Variants in SND1 observed in about 807,000 individuals in gnomAD.
SND1 encodes staphylococcal nuclease domain-containing protein 1.
Under a neutral mutation model 121.7 loss-of-function variants are expected in SND1, and 38 were observed. That is an observed-to-expected ratio of 0.31 (90% confidence interval 0.24 to 0.41). The LOEUF (loss-of-function observed/expected upper bound fraction) is 0.41. Among genes scored for constraint, SND1 ranks in the 10% least tolerant of loss-of-function variants. SND1 has a pLI of 1.00. For synonymous variants in SND1, 401 were observed against 447.4 expected (o/e 0.90, Z 1.31); for missense variants, 868 against 1,184.6 (o/e 0.73, Z 3.92).
At chr7:127,662,816 T>C (rs1795338057) in intron 1 of SND1, among the ~76,000 whole-genome samples, 1 of 152,070 alleles carries the variant, frequency 6.6e-6, no homozygotes, top group Non-Finnish European at 1.5e-5. Flanking sequence ...AACCTCCCAA[T>C]ATCTGGAGAT....
chr7:127,967,854 T>C (rs1381202452), intron 15 of SND1, among the ~76,000 whole-genome samples: 1 of 152,210 alleles, frequency 6.6e-6, no homozygotes, highest in Non-Finnish European at 1.5e-5. Flanking sequence ...GCTCGGACCA[T>C]GATTAAATAT....
At chr7:127,981,117 A>T (rs533393455) in intron 15 of SND1, among the ~76,000 whole-genome samples, 2 of 152,328 alleles carry the variant, frequency 1.3e-5, no homozygotes, top group East Asian at 1.9e-4. Context: ...GCACAGTGCC[A>T]CTGTGTTACA....
chr7:127,738,169 G>A (rs1033842144), intron 10 of SND1, among the ~76,000 whole-genome samples: 6 of 151,822 alleles, frequency 4.0e-5, no homozygotes, highest in Non-Finnish European at 8.8e-5. Context: ...CTCACTGTGG[G>A]CAGCTTCTCC....
At chr7:127,825,040 C>T (rs1273406885) in intron 11 of SND1, among the ~76,000 whole-genome samples, 1 of 152,174 alleles carries the variant, frequency 6.6e-6, no homozygotes, top group Non-Finnish European at 1.5e-5. Context: ...GGAATCTAAT[C>T]TCCCTTATTG....
chr7:127,943,912 T>C (rs1400914437), intron 15 of SND1, among the ~76,000 whole-genome samples: 3 of 152,226 alleles, frequency 2.0e-5, no homozygotes, highest in African/African-American at 4.8e-5. Context: ...GGAGGGCTGA[T>C]TGCTGCCAGT....
intron 15 of SND1, among the ~76,000 whole-genome samples, chr7:127,973,445 T>C (rs957353574): frequency 6.6e-6 from 1 of 151,952 alleles, no homozygotes; most frequent in African/African-American, 2.4e-5. Flanking sequence ...GAAAAGAGGA[T>C]CTGACAGCAG....
At position 127,856,319 on chromosome 7, in the gene SND1, T is replaced by C. The variant is rs546584373; in HGVS notation, c.1343+11895T>C. Reference sequence around the variant, plus strand: ...TACTTTACCTGTTTATCTGAGGTGATGAAAAGGCACAGGGCTACCAAATTA... The same window carrying C: ...TACTTTACCTGTTTATCTGAGGTGACGAAAAGGCACAGGGCTACCAAATTA... On this transcript the variant is annotated intron_variant, in intron 12 of 23. Transcript: ENST00000354725. Among the ~76,000 whole-genome samples, 17 of 152,336 alleles carry C rather than the reference T, an allele frequency of 1.1e-4. No homozygotes were observed. The East Asian group carries it at 3.3e-3, about 29-fold the overall frequency.
intron 15 of SND1, among the ~76,000 whole-genome samples, chr7:127,956,575 G>A (rs941766705): frequency 3.1e-4 from 47 of 152,310 alleles, no homozygotes; most frequent in Admixed American, 2.9e-3. Context: ...AGGCTCGATG[G>A]ATGGCCTAGA....
rs1793067713 is a variant in SND1, at chr7:128,052,708, T to A, written c.1780-21794T>A. On this transcript the variant is annotated intron_variant, in intron 16 of 23. Transcript: ENST00000354725. This position sits in a 1 kb window ranked among gnomAD's most constrained non-coding sequence, Gnocchi z 4.6. ...GGAAATCAGATGAAATCCATCTCCT[T>A]GTCCAAAGCCTGGCCCGATGGGCTG... 6.6e-6 allele frequency among the ~76,000 whole-genome samples: 1 copy of A among 152,264 alleles called. No homozygotes were observed. The highest frequency in any genetic ancestry group is 2.1e-4 in the South Asian group (1 of 4,836).
At chr7:128,013,868 C>T (rs1433431306) in intron 16 of SND1, among the ~76,000 whole-genome samples, 1 of 152,232 alleles carries the variant, frequency 6.6e-6, no homozygotes, top group Non-Finnish European at 1.5e-5. Flanking sequence ...CAGCCTGTGA[C>T]TGATGAGGGA....
chr7:128,062,161 C>G (rs1006409091), intron 16 of SND1, among the ~76,000 whole-genome samples: 2 of 152,236 alleles, frequency 1.3e-5, no homozygotes, highest in Non-Finnish European at 2.9e-5. Flanking sequence ...GCTGCTGCCT[C>G]CCTGCAATGG....
chr7:127,895,366 A>G (rs1563050776), intron 13 of SND1, among the ~76,000 whole-genome samples: 1 of 152,080 alleles, frequency 6.6e-6, no homozygotes, highest in African/African-American at 2.4e-5. Flanking sequence ...GTGCCTTACG[A>G]CTGCCCTCTT....
chr7:127,843,546 C>G (rs1030412333), intron 11 of SND1, among the ~76,000 whole-genome samples: 4 of 152,154 alleles, frequency 2.6e-5, no homozygotes, highest in African/African-American at 9.7e-5. Context: ...GTCTAAGCTT[C>G]CTCCATGTCT....
intron 16 of SND1, among the ~76,000 whole-genome samples, chr7:128,033,901 T>C (rs1179563097): frequency 1.3e-5 from 2 of 152,214 alleles, no homozygotes; most frequent in African/African-American, 4.8e-5. Flanking sequence ...TCCACTTCAA[T>C]AGTCATTTAC....
At chr7:128,042,663 G>C (rs1434915465) in intron 16 of SND1, among the ~76,000 whole-genome samples, 3 of 152,224 alleles carry the variant, frequency 2.0e-5, no homozygotes, top group African/African-American at 7.2e-5. Flanking sequence ...ACCCATTAAA[G>C]CTTTCTTTTG....
At chr7:127,709,354 A>T (rs1470400761) in intron 9 of SND1, among the ~76,000 whole-genome samples, 1 of 152,132 alleles carries the variant, frequency 6.6e-6, no homozygotes, top group Admixed American at 6.5e-5. Flanking sequence ...CGCCATCTTC[A>T]CTTTGAGAGT....
At chr7:127,829,002 C>G (rs954547727) in intron 11 of SND1, among the ~76,000 whole-genome samples, 11 of 152,178 alleles carry the variant, frequency 7.2e-5, no homozygotes, top group African/African-American at 2.4e-4. Flanking sequence ...ATCTGAAGAG[C>G]ATCACACAGG....
intron 12 of SND1, among the ~76,000 whole-genome samples, chr7:127,853,953 AT>A: frequency 6.6e-6 from 1 of 152,096 alleles, no homozygotes; most frequent in South Asian, 2.1e-4. Flanking sequence ...GGTTTTTTGT[AT>A]TTATTGATAA....
chr7:127,811,093 A>C (rs1252835798), intron 11 of SND1, among the ~76,000 whole-genome samples: 1 of 152,180 alleles, frequency 6.6e-6, no homozygotes, highest in Non-Finnish European at 1.5e-5. Flanking sequence ...TGATGAGCAA[A>C]TATTGGGGAT....
Sources: allele counts gnomAD v4.1 joint callset (sites outside exome capture counted in the v4.1 genomes callset), GRCh38; gene constraint gnomAD v4.1.1; non-coding constraint Gnocchi (gnomAD v3.1); transcripts MANE v1.5; gene names NCBI Gene and HGNC (gene_info 2026-07-23, HGNC 2026-07-21).